CNTN5: variants seen among roughly 807,000 people sequenced by gnomAD.
The protein encoded by CNTN5 is contactin 5, also known as contactin-5.
In CNTN5, 77 loss-of-function variants were observed where a neutral mutation model predicts 129.1. That is an observed-to-expected ratio of 0.60 (90% CI 0.50 to 0.72). CNTN5 has a LOEUF of 0.72. Ranked by LOEUF, CNTN5 falls within the 30% of genes least tolerant of loss-of-function variation. The pLI is 0.00. For synonymous variants in CNTN5, 509 were observed against 465.6 expected (o/e 1.09, Z -1.20); for missense variants, 1,478 against 1,328.8 (o/e 1.11, Z -1.75).
chr11:99,617,007 A>C (rs766145447), intron 3 of CNTN5, among the ~76,000 whole-genome samples: 17 of 152,302 alleles, frequency 1.1e-4, no homozygotes, highest in Non-Finnish European at 2.2e-4. Context: ...GCTACTCGGG[A>C]GGCTGAGGCA....
chr11:99,921,153 T>C (rs1591423905), intron 7 of CNTN5, among the ~76,000 whole-genome samples: 1 of 152,204 alleles, frequency 6.6e-6, no homozygotes, highest in Non-Finnish European at 1.5e-5. Flanking sequence ...ATCCAGTCTG[T>C]GGCACGTTGT....
chr11:99,182,100 C>T (rs1591322969), intron 1 of CNTN5, among the ~76,000 whole-genome samples: 1 of 151,990 alleles, frequency 6.6e-6, no homozygotes, highest in Non-Finnish European at 1.5e-5. Context: ...TTGATCTGCC[C>T]GCTGATTAAA....
intron 1 of CNTN5, among the ~76,000 whole-genome samples, chr11:99,298,144 A>G (rs1319879021): frequency 1.3e-5 from 2 of 152,146 alleles, no homozygotes; most frequent in African/African-American, 4.8e-5. Flanking sequence ...AGGGGTCGCT[A>G]GAAGCTCCAC....
At chr11:99,565,760 C>T (rs531716378) in intron 3 of CNTN5, among the ~76,000 whole-genome samples, 1 of 152,242 alleles carries the variant, frequency 6.6e-6, no homozygotes, top group Admixed American at 6.5e-5. Flanking sequence ...ATCATTCTCC[C>T]ATGATTTCCC....
Position 99,144,565 on chromosome 11 carries a change from G to A in CNTN5, c.-210+123295G>A, listed in dbSNP as rs572361395. 4.2e-4 allele frequency among the ~76,000 whole-genome samples: 64 copies of A among 152,168 alleles called. No individual in the cohort carries two copies. The South Asian group carries it at 9.8e-3, about 23-fold the overall frequency. Reference sequence around the variant, plus strand: ...TCCTCCTGGAACTCCCAGAATTTTCGTATTTGTTCAGTTGGTGGTGTCCTA... The same window carrying A: ...TCCTCCTGGAACTCCCAGAATTTTCATATTTGTTCAGTTGGTGGTGTCCTA... On this transcript the variant is annotated intron_variant, in intron 1 of 24. Coordinates refer to ENST00000524871, the MANE Select transcript of CNTN5 (RefSeq NM_014361.4).
chr11:100,286,348 A>G (rs1454924137), intron 18 of CNTN5, among the ~76,000 whole-genome samples: 1 of 151,956 alleles, frequency 6.6e-6, no homozygotes, highest in Non-Finnish European at 1.5e-5. Flanking sequence ...GCAGACTTAA[A>G]TGTCCCTGTC....
intron 7 of CNTN5, among the ~76,000 whole-genome samples, chr11:99,952,541 TA>T (rs1950701708): frequency 6.6e-6 from 1 of 152,138 alleles, no homozygotes; most frequent in Non-Finnish European, 1.5e-5. Flanking sequence ...ATTTATTTTT[TA>T]TTTTTTTGAT....
At chr11:99,347,562 G>C (rs983141228) in intron 2 of CNTN5, among the ~76,000 whole-genome samples, 1 of 152,162 alleles carries the variant, frequency 6.6e-6, no homozygotes, top group Admixed American at 6.5e-5. Context: ...CTGTTAGGCA[G>C]TTCAGTCCCA....
At chr11:99,188,999 A>G (rs1858496034) in intron 1 of CNTN5, among the ~76,000 whole-genome samples, 1 of 151,508 alleles carries the variant, frequency 6.6e-6, no homozygotes, top group Admixed American at 6.6e-5. Flanking sequence ...TTCCCCAACC[A>G]CTTCCCTCCC....
At chr11:99,901,809 G>T (rs1416636025) in intron 6 of CNTN5, among the ~76,000 whole-genome samples, 1 of 152,254 alleles carries the variant, frequency 6.6e-6, no homozygotes, top group African/African-American at 2.4e-5. Flanking sequence ...GGTGCTAGAT[G>T]CTGGATACAA....
intron 1 of CNTN5, among the ~76,000 whole-genome samples, chr11:99,320,576 C>T (rs1231687098): frequency 6.6e-6 from 1 of 151,888 alleles, no homozygotes; most frequent in Non-Finnish European, 1.5e-5. Flanking sequence ...CACTTAAGAA[C>T]CTTCTAAGGC....
At chr11:99,685,476 T>C (rs1476346054) in intron 3 of CNTN5, among the ~76,000 whole-genome samples, 3 of 151,982 alleles carry the variant, frequency 2.0e-5, no homozygotes, top group Non-Finnish European at 4.4e-5. Flanking sequence ...TCCACTGTTG[T>C]TGTCAATTTA....
intron 3 of CNTN5, among the ~76,000 whole-genome samples, chr11:99,810,741 G>A (rs1207185781): frequency 6.6e-6 from 1 of 152,090 alleles, no homozygotes. Flanking sequence ...GGCCAAAATT[G>A]CAGAGTTAAC....
intron 3 of CNTN5, among the ~76,000 whole-genome samples, chr11:99,637,913 A>G (rs754777913): frequency 1.1e-4 from 16 of 152,018 alleles, no homozygotes; most frequent in Non-Finnish European, 2.1e-4. Flanking sequence ...CCTAGCCTTC[A>G]TGTTAAGTGT....
At chr11:99,079,047 T>C (rs1355625104) in intron 1 of CNTN5, among the ~76,000 whole-genome samples, 1 of 152,140 alleles carries the variant, frequency 6.6e-6, no homozygotes, top group Non-Finnish European at 1.5e-5. Context: ...ATTAAAATAT[T>C]GAATATACCC....
At chr11:100,289,342 T>C (rs1002241670) in intron 18 of CNTN5, among the ~76,000 whole-genome samples, 4 of 152,098 alleles carry the variant, frequency 2.6e-5, no homozygotes, top group African/African-American at 7.2e-5. Context: ...TTGATGAACA[T>C]TGATACAAAA....
At chr11:100,216,069 C>A (rs1949133561) in intron 15 of CNTN5, among the ~76,000 whole-genome samples, 1 of 152,114 alleles carries the variant, frequency 6.6e-6, no homozygotes, top group South Asian at 2.1e-4. Flanking sequence ...ATACAAAAAT[C>A]AATGAAGCAC....
chr11:99,588,343 CAAAAAAAA>C (rs149362368), intron 3 of CNTN5, among the ~76,000 whole-genome samples: 1 of 93,040 alleles, frequency 1.1e-5, no homozygotes, highest in Non-Finnish European at 2.1e-5. Flanking sequence ...GACTCCTTCT[CAAAAAAAA>C]AAAAAAAAAA....
At chr11:99,918,715 T>A (rs1949857746) in intron 7 of CNTN5, among the ~76,000 whole-genome samples, 1 of 152,194 alleles carries the variant, frequency 6.6e-6, no homozygotes, top group Non-Finnish European at 1.5e-5. Context: ...ATAAGTCAGA[T>A]ACAAAAGAAT....
Sources: allele counts gnomAD v4.1 joint callset (sites outside exome capture counted in the v4.1 genomes callset), GRCh38; gene constraint gnomAD v4.1.1; transcripts MANE v1.5; gene names NCBI Gene and HGNC (gene_info 2026-07-23, HGNC 2026-07-21).